Variants in THSD7A observed in about 807,000 individuals in gnomAD.
THSD7A encodes thrombospondin type 1 domain containing 7A, also known as thrombospondin type-1 domain-containing protein 7A.
THSD7A carries 96 observed loss-of-function variants against 231.3 expected under a neutral mutation model. That is an observed-to-expected ratio of 0.41 (90% confidence interval 0.35 to 0.49). The LOEUF is 0.49. THSD7A is among the 20% of genes least tolerant of loss of function. The pLI is 0.05. For missense variants in THSD7A, 2,290 were observed against 2,070.2 expected (o/e 1.11, Z -2.06); for synonymous variants, 940 against 743.3 (o/e 1.26, Z -4.30).
At chr7:11,575,539 G>C (rs898161755) in intron 4 of THSD7A, among the ~76,000 whole-genome samples, 4 of 152,148 alleles carry the variant, frequency 2.6e-5, no homozygotes, top group African/African-American at 9.7e-5. Context: ...GTTGGAAATT[G>C]TGTCTCTGCA....
At position 11,814,753 on chromosome 7, in the gene THSD7A, A is replaced by T. The variant is rs1784628732; in HGVS notation, c.190+17004T>A. On this transcript the variant is annotated intron_variant, in intron 1 of 27. Coordinates refer to ENST00000423059, the MANE Select transcript of THSD7A (RefSeq NM_015204.3). The surrounding 1 kb of genome is among the most constrained non-coding windows in gnomAD (Gnocchi z 5.1). Reference sequence around the variant, plus strand: ...GCAGCAGTCAAAGCTCTCCTTATGAATTATTTGATTTCATAAATCCAAATC... The same window carrying T: ...GCAGCAGTCAAAGCTCTCCTTATGATTTATTTGATTTCATAAATCCAAATC... 6.6e-6 allele frequency among the ~76,000 whole-genome samples: 1 copy of T among 152,186 alleles called. No homozygotes were observed. Among genetic ancestry groups the T allele is most frequent in the African/African-American group, 2.4e-5 (1 of 41,450 alleles).
At chr7:11,503,763 C>G (rs1186313348) in intron 6 of THSD7A, among the ~76,000 whole-genome samples, 1 of 152,154 alleles carries the variant, frequency 6.6e-6, no homozygotes, top group Non-Finnish European at 1.5e-5. Context: ...AGCGAGGTAC[C>G]ATCTTACACC....
chr7:11,714,845 A>G lies in THSD7A; in HGVS notation c.191-77884T>C, dbSNP rs184450596. 1.4e-3 allele frequency among the ~76,000 whole-genome samples: 205 copies of G among 151,468 alleles called. 1 individual carries two copies. Among genetic ancestry groups the G allele is most frequent in the Non-Finnish European group, 4.1e-4 (28 of 67,594 alleles). ...TCTACCAAATTTAAGGAATTCCAAG[A>G]TTGCAAACCACAATAGATTGTTCAG... On this transcript the variant is annotated intron_variant, in intron 1 of 27. Coordinates refer to ENST00000423059, the MANE Select transcript of THSD7A (RefSeq NM_015204.3).
intron 1 of THSD7A, among the ~76,000 whole-genome samples, chr7:11,661,877 G>C (rs1236232739): frequency 6.6e-6 from 1 of 151,216 alleles, no homozygotes; most frequent in South Asian, 2.1e-4. Flanking sequence ...TGGAAGACAA[G>C]ATAAACAGAG....
At chr7:11,400,093 T>C (rs13235679) in intron 23 of THSD7A, among the ~76,000 whole-genome samples, 1 of 144,394 alleles carries the variant, frequency 6.9e-6, no homozygotes, top group Non-Finnish European at 1.5e-5. Context: ...TTCTCACTCA[T>C]AGGTGGGAAT....
rs958816456 is a variant in THSD7A at position 11,738,591 on chromosome 7, C to T, written c.190+93166G>A. On this transcript the variant is annotated intron_variant, in intron 1 of 27. Coordinates refer to ENST00000423059, the MANE Select transcript of THSD7A (RefSeq NM_015204.3). ...TAAATTCTTTGTGCCTCAGAGTCCT[C>T]GCTCTAAACTGGTGAAACTTGTGGT... is the stretch of plus-strand genomic sequence containing the variant. Among the ~76,000 whole-genome samples the T allele has an allele frequency of 7.9e-5, 12 of 151,942 alleles. No homozygotes were observed. In the South Asian group the frequency reaches 8.3e-4, roughly 11 times the overall value.
intron 4 of THSD7A, among the ~76,000 whole-genome samples, chr7:11,553,106 C>T (rs986028835): frequency 2.6e-5 from 4 of 152,076 alleles, no homozygotes; most frequent in African/African-American, 4.8e-5. Context: ...CCCCAGACAA[C>T]ATAGCTGCTT....
chr7:11,415,880 T>A (rs1164348047), intron 17 of THSD7A, among the ~76,000 whole-genome samples: 1 of 152,202 alleles, frequency 6.6e-6, no homozygotes, highest in Non-Finnish European at 1.5e-5. Context: ...TAGCTGTTTC[T>A]GAACCTCACT....
intron 1 of THSD7A, among the ~76,000 whole-genome samples, chr7:11,680,927 A>T (rs1783842629): frequency 2.0e-5 from 3 of 152,186 alleles, no homozygotes; most frequent in African/African-American, 7.2e-5. Flanking sequence ...CACTTTTCAC[A>T]ACAACAAAGA....
intron 2 of THSD7A, among the ~76,000 whole-genome samples, chr7:11,601,508 T>C (rs1158822839): frequency 6.6e-6 from 1 of 152,164 alleles, no homozygotes. Context: ...AGGCTATGAC[T>C]GTAGGATCAC....
chr7:11,399,865 C>A (rs1033036114), intron 23 of THSD7A, among the ~76,000 whole-genome samples: 1 of 152,044 alleles, frequency 6.6e-6, no homozygotes, highest in Non-Finnish European at 1.5e-5. Context: ...TGCACACATA[C>A]GTTTATTGCG....
At chr7:11,528,514 T>C (rs1788570677) in intron 6 of THSD7A, among the ~76,000 whole-genome samples, 1 of 152,132 alleles carries the variant, frequency 6.6e-6, no homozygotes. Flanking sequence ...GGGCGGTTTA[T>C]GATAGAAGAG....
At chr7:11,465,640 G>A (rs908183232) in intron 9 of THSD7A, among the ~76,000 whole-genome samples, 5 of 151,902 alleles carry the variant, frequency 3.3e-5, no homozygotes, top group Non-Finnish European at 5.9e-5. Context: ...AAATTGAAAG[G>A]GAAATGTCTC....
At chr7:11,557,653 A>G (rs886348565) in intron 4 of THSD7A, among the ~76,000 whole-genome samples, 2 of 152,132 alleles carry the variant, frequency 1.3e-5, no homozygotes, top group African/African-American at 4.8e-5. Flanking sequence ...CCACATTGTT[A>G]CTGCAAGGTG....
At chr7:11,792,708 C>T (rs1783995360) in intron 1 of THSD7A, among the ~76,000 whole-genome samples, 2 of 151,972 alleles carry the variant, frequency 1.3e-5, no homozygotes, top group African/African-American at 4.8e-5. Context: ...GCAAACGAAA[C>T]AAATAAAAAT....
intron 7 of THSD7A, among the ~76,000 whole-genome samples, chr7:11,475,374 G>T (rs1363349595): frequency 6.6e-6 from 1 of 151,956 alleles, no homozygotes; most frequent in African/African-American, 2.4e-5. Flanking sequence ...TTCTGCGGCA[G>T]CACAGCCCCA....
chr7:11,800,429 A>G (rs1784243228), intron 1 of THSD7A, among the ~76,000 whole-genome samples: 1 of 152,066 alleles, frequency 6.6e-6, no homozygotes, highest in African/African-American at 2.4e-5. Context: ...GGCGCCTGTA[A>G]TCCCAGCTAT....
intron 6 of THSD7A, among the ~76,000 whole-genome samples, chr7:11,522,582 G>T (rs1409860493): frequency 1.3e-5 from 2 of 152,026 alleles, no homozygotes; most frequent in African/African-American, 4.8e-5. Context: ...GACAGCTAAA[G>T]AGTAATTTTA....
chr7:11,515,123 T>C (rs967999161), intron 6 of THSD7A, among the ~76,000 whole-genome samples: 53 of 152,176 alleles, frequency 3.5e-4, no homozygotes, highest in African/African-American at 1.3e-3. Context: ...GCCCATCCTA[T>C]CAAAAACAAT....
Sources: gnomAD v4.1 joint callset for allele counts (sites outside exome capture counted in the v4.1 genomes callset) on GRCh38, gnomAD v4.1.1 for gene constraint, Gnocchi (gnomAD v3.1) non-coding constraint, MANE v1.5 for transcripts, NCBI Gene and HGNC (gene_info 2026-07-23, HGNC 2026-07-21) for gene names.